The following EYS variants were observed in gnomAD, a reference collection of about 807,000 sequenced individuals.
The protein encoded by EYS is EGF-like photoreceptor maintenance factor, also known as protein eyes shut homolog.
Under a neutral mutation model 282.1 loss-of-function variants are expected in EYS, and 250 were observed. That is an observed-to-expected ratio of 0.89 (90% CI 0.80 to 0.98). EYS has a LOEUF of 0.98. EYS is among the 50% of genes least tolerant of loss of function. The pLI is 0.00. For synonymous variants in EYS, 1,355 were observed against 1,282.9 expected (o/e 1.06, Z -1.20); for missense variants, 4,016 against 3,709.0 (o/e 1.08, Z -2.15).
chr6:65,161,454 C>T lies in EYS; in HGVS notation c.2024-103727G>A, dbSNP rs182196089. Among the ~76,000 whole-genome samples the T allele has an allele frequency of 1.4e-3, 218 of 150,970 alleles. 3 individuals carry two copies. The highest frequency in any genetic ancestry group is 4.7e-3 in the African/African-American group (194 of 41,360). On this transcript the variant is annotated intron_variant, in intron 12 of 42. Transcript: ENST00000503581. The stretch of plus-strand genomic sequence containing the variant: ...TGCAAAATTATGCATTTTTGCCTTG[C>T]CCATTTCCTCCAATTTTATTTATAG...
intron 12 of EYS, 74 bp downstream of exon 12, chr6:65,295,789 G>C: frequency 8.4e-7 from 1 of 1,195,766 alleles, no homozygotes; most frequent in Non-Finnish European, 1.2e-6. Flanking sequence ...AGATATATTT[G>C]AGATATATCA....
intron 12 of EYS, among the ~76,000 whole-genome samples, chr6:65,249,488 G>A (rs1337158239): frequency 6.6e-6 from 1 of 151,084 alleles, no homozygotes; most frequent in Non-Finnish European, 1.5e-5. Context: ...GAATTTTATT[G>A]GAAAAATTCT....
At chr6:63,834,823 C>G in intron 36 of EYS, among the ~76,000 whole-genome samples, 1 of 151,818 alleles carries the variant, frequency 6.6e-6, no homozygotes, top group South Asian at 2.1e-4. Context: ...CAATGATAGA[C>G]TAGATTAAGA....
intron 41 of EYS, among the ~76,000 whole-genome samples, chr6:63,736,368 C>G (rs1768913179): frequency 6.6e-6 from 1 of 151,992 alleles, no homozygotes; most frequent in Non-Finnish European, 1.5e-5. Flanking sequence ...GCTTGTTTTT[C>G]TCAGGTTTGT....
chr6:64,413,496 AG>A (rs1256905620), intron 28 of EYS, among the ~76,000 whole-genome samples: 4 of 151,496 alleles, frequency 2.6e-5, no homozygotes. Context: ...TAATATCCTC[AG>A]GGAGAAAACA....
intron 35 of EYS, among the ~76,000 whole-genome samples, chr6:63,871,386 C>T (rs1208645262): frequency 3.9e-5 from 6 of 152,024 alleles, no homozygotes; most frequent in Non-Finnish European, 8.8e-5. Flanking sequence ...ATCTGCTGGG[C>T]GTGGTGACTC....
intron 26 of EYS, among the ~76,000 whole-genome samples, chr6:64,509,202 A>G (rs1272212361): frequency 1.3e-5 from 2 of 152,168 alleles, no homozygotes; most frequent in African/African-American, 2.4e-5. Flanking sequence ...TTATTCCTTC[A>G]TCTTTAAATT....
At chr6:65,183,597 T>C (rs1006919201) in intron 12 of EYS, among the ~76,000 whole-genome samples, 10 of 151,936 alleles carry the variant, frequency 6.6e-5, no homozygotes, top group African/African-American at 2.4e-4. Context: ...TGTGTTTGTG[T>C]TACCAGTTAT....
rs769240399 is a variant in EYS at position 64,864,385 on chromosome 6, CTT to C, written c.2992+22310_2992+22311del. On this transcript the variant is annotated intron_variant, in intron 19 of 42. Coordinates refer to ENST00000503581, the MANE Select transcript of EYS (RefSeq NM_001142800.2). ...GAGAAATACAGAGGTGCTATACCTT[CTT>C]TTTTTTTTTTTTTTTTTTTGACAGA... Among the ~76,000 whole-genome samples the C allele has an allele frequency of 7.3e-3, 417 of 57,194 alleles. 30 individuals are homozygous for C. The highest frequency in any genetic ancestry group is 0.022 in the African/African-American group (371 of 17,118). The allele number at this position is 57,194 out of a possible 152,430, so 37.5% of individuals were successfully genotyped here.
intron 31 of EYS, among the ~76,000 whole-genome samples, chr6:64,124,288 G>T (rs1368296064): frequency 6.7e-6 from 1 of 149,560 alleles, no homozygotes; most frequent in African/African-American, 2.6e-5. Flanking sequence ...TACTCTCTCT[G>T]CTCCACGTTC....
intron 8 of EYS, among the ~76,000 whole-genome samples, chr6:65,370,160 G>C (rs541433295): frequency 8.0e-5 from 12 of 150,802 alleles, no homozygotes; most frequent in Non-Finnish European, 1.5e-4. Flanking sequence ...TATTTTGAGT[G>C]TCATAACATA....
At chr6:63,943,446 A>G (rs1017466868) in intron 35 of EYS, among the ~76,000 whole-genome samples, 2 of 152,214 alleles carry the variant, frequency 1.3e-5, no homozygotes, top group Non-Finnish European at 2.9e-5. Context: ...GCCTAGCTTG[A>G]TTCTGCATGA....
chr6:65,120,824 T>A (rs1444043397), intron 12 of EYS, among the ~76,000 whole-genome samples: 1 of 152,154 alleles, frequency 6.6e-6, no homozygotes, highest in African/African-American at 2.4e-5. Flanking sequence ...GATGAAATAA[T>A]CTCAACCTGA....
chr6:63,952,564 C>T (rs576504637), intron 35 of EYS, among the ~76,000 whole-genome samples: 7 of 152,212 alleles, frequency 4.6e-5, no homozygotes, highest in Non-Finnish European at 1.0e-4. Context: ...AACTCCCCAA[C>T]TCTGGTGCCA....
At chr6:65,406,396 T>C (rs552509142) in intron 5 of EYS, among the ~76,000 whole-genome samples, 1 of 152,220 alleles carries the variant, frequency 6.6e-6, no homozygotes, top group Admixed American at 6.5e-5. Flanking sequence ...GCAAAAGTTT[T>C]TATTTCATGA....
At chr6:64,793,502 A>T (rs1440324184) in intron 22 of EYS, among the ~76,000 whole-genome samples, 1 of 152,190 alleles carries the variant, frequency 6.6e-6, no homozygotes, top group Non-Finnish European at 1.5e-5. Flanking sequence ...TGCATATTGG[A>T]TAATTTTGCC....
chr6:63,742,519 CCTTTA>C (rs1351098454), intron 41 of EYS, among the ~76,000 whole-genome samples: 1 of 152,096 alleles, frequency 6.6e-6, no homozygotes, highest in African/African-American at 2.4e-5. Context: ...GTGGCAAGAG[CCTTTA>C]CTTTCTTTGA....
chr6:65,319,387 AT>A (rs1037639087), intron 11 of EYS, among the ~76,000 whole-genome samples: 24 of 150,806 alleles, frequency 1.6e-4, no homozygotes, highest in Non-Finnish European at 2.1e-4. Flanking sequence ...CTCAAAAAAA[AT>A]AATATATATA....
intron 13 of EYS, among the ~76,000 whole-genome samples, chr6:65,007,987 C>A (rs955273433): frequency 2.6e-5 from 4 of 152,112 alleles, no homozygotes; most frequent in Admixed American, 1.3e-4. Flanking sequence ...GTTTGGTGAT[C>A]TCTGGTATAT....
Sources: allele counts gnomAD v4.1 joint callset (sites outside exome capture counted in the v4.1 genomes callset), GRCh38; gene constraint gnomAD v4.1.1; transcripts MANE v1.5; gene names NCBI Gene and HGNC (gene_info 2026-07-23, HGNC 2026-07-21).